RPS6KC1: variants seen among roughly 807,000 people sequenced by gnomAD.
RPS6KC1 encodes ribosomal protein S6 kinase C1.
Under a neutral mutation model 103.8 loss-of-function variants are expected in RPS6KC1, and 54 were observed. That is an observed-to-expected ratio of 0.52 (90% CI 0.42 to 0.65). The LOEUF is 0.65. Ranked by LOEUF, RPS6KC1 falls within the 30% of genes least tolerant of loss-of-function variation. The pLI is 0.00. For missense variants in RPS6KC1, 1,151 were observed against 1,253.8 expected, an observed-to-expected ratio of 0.92 and a Z score of 1.24; for synonymous variants, 439 against 438.7, an observed-to-expected ratio of 1.00 and a Z score of -0.01.
chr1:213,553,703 T>C, the RPS6KC1 span, among the ~76,000 whole-genome samples: 1 of 152,224 alleles, frequency 6.6e-6, no homozygotes, highest in Admixed American at 6.5e-5. Context: ...TATTTTTTGA[T>C]TTTTTTAATA....
intron 8 of RPS6KC1, among the ~76,000 whole-genome samples, chr1:213,183,100 A>G (rs951331613): frequency 1.3e-5 from 2 of 152,028 alleles, no homozygotes; most frequent in African/African-American, 4.8e-5. Flanking sequence ...GATAATGATA[A>G]AAGGACAATC....
chr1:213,089,768 T>C (rs993959447), intron 3 of RPS6KC1, among the ~76,000 whole-genome samples: 12 of 152,184 alleles, frequency 7.9e-5, no homozygotes, highest in African/African-American at 2.9e-4. Context: ...GGCCCCATTT[T>C]GCTGTTAAAG....
chr1:213,677,135 A>G, the RPS6KC1 span, among the ~76,000 whole-genome samples: 1 of 152,178 alleles, frequency 6.6e-6, no homozygotes, highest in Non-Finnish European at 1.5e-5. Context: ...TATCCTTTCC[A>G]ATTAGCATCT....
At chr1:213,071,859 A>C (rs910149726) in intron 2 of RPS6KC1, among the ~76,000 whole-genome samples, 6 of 148,106 alleles carry the variant, frequency 4.1e-5, no homozygotes, top group Admixed American at 3.3e-4. Context: ...TCTTCTGTGC[A>C]TTTTTTCATT....
the RPS6KC1 span, among the ~76,000 whole-genome samples, chr1:213,332,128 A>T: frequency 7.9e-5 from 12 of 152,110 alleles, no homozygotes; most frequent in Non-Finnish European, 1.3e-4. Flanking sequence ...AATGTTTCAG[A>T]TGCATAACTT....
At chr1:213,696,502 CAAAAAAAAAA>C in the RPS6KC1 span, among the ~76,000 whole-genome samples, 17,629 of 120,134 alleles carry the variant, frequency 0.15, 1,093 homozygotes, top group Middle Eastern at 0.25. Context: ...AACTCCGTCT[CAAAAAAAAAA>C]AAAAAAAAAA....
intron 8 of RPS6KC1, among the ~76,000 whole-genome samples, chr1:213,184,024 A>G (rs1558494578): frequency 6.6e-6 from 1 of 152,196 alleles, no homozygotes; most frequent in African/African-American, 2.4e-5. Context: ...GAATGGACCA[A>G]TTCATAGAAA....
intron 1 of RPS6KC1, among the ~76,000 whole-genome samples, chr1:213,067,080 C>T (rs770746380): frequency 3.3e-5 from 5 of 152,182 alleles, no homozygotes; most frequent in Non-Finnish European, 5.9e-5. Flanking sequence ...CCCCTCCCCA[C>T]GTCGAGTTGT....
chr1:213,129,954 A>G lies in RPS6KC1; in HGVS notation c.835+65A>G, dbSNP rs61733272. The G allele has an allele frequency of 1.0e-4, 144 of 1,425,228 alleles. 1 individual carries two copies. Among genetic ancestry groups the G allele is most frequent in the Non-Finnish European group, 1.3e-4 (138 of 1,063,052 alleles). 88.3% of individuals were successfully genotyped at this position (1,425,228 alleles called of 1,614,324 possible). A position where few individuals can be genotyped will look rare whatever the true frequency, so the allele number is the denominator to read the frequency against. On this transcript the variant is annotated intron_variant, in intron 6 of 14. Coordinates refer to ENST00000366960, the MANE Select transcript of RPS6KC1 (RefSeq NM_012424.6). ...GTTGGTATGTGGGAAAAAAAAGTAC[A>G]TACATATATCTTCTGTATAGTCTTA...
chr1:213,563,846 C>T, the RPS6KC1 span, among the ~76,000 whole-genome samples: 1 of 151,702 alleles, frequency 6.6e-6, no homozygotes, highest in East Asian at 1.9e-4. Flanking sequence ...CTTTTATACG[C>T]TAAATTAATT....
At chr1:213,066,637 G>A (rs765811820) in intron 1 of RPS6KC1, among the ~76,000 whole-genome samples, 6 of 152,160 alleles carry the variant, frequency 3.9e-5, no homozygotes, top group South Asian at 2.1e-4. Context: ...TAAGGAAGCC[G>A]GCTTTAATCA....
At chr1:213,082,717 G>A (rs372757754) in intron 3 of RPS6KC1, among the ~76,000 whole-genome samples, 3 of 152,156 alleles carry the variant, frequency 2.0e-5, no homozygotes, top group African/African-American at 7.2e-5. Flanking sequence ...TGAAAGGAGA[G>A]AGAGAAACTA....
At chr1:213,566,150 G>C in the RPS6KC1 span, among the ~76,000 whole-genome samples, 1 of 151,976 alleles carries the variant, frequency 6.6e-6, no homozygotes, top group Non-Finnish European at 1.5e-5. Flanking sequence ...AAATATTATT[G>C]GTAGTACCTA....
the RPS6KC1 span, among the ~76,000 whole-genome samples, chr1:213,590,886 G>A: frequency 6.6e-6 from 1 of 152,174 alleles, no homozygotes; most frequent in African/African-American, 2.4e-5. Flanking sequence ...TCTCCTGGCA[G>A]TATCCTTCAG....
the RPS6KC1 span, among the ~76,000 whole-genome samples, chr1:213,409,217 T>C: frequency 1.3e-5 from 2 of 151,484 alleles, no homozygotes; most frequent in Non-Finnish European, 2.9e-5. Context: ...AAGTATTAGG[T>C]TGGTGCTAAA....
At chr1:213,789,241 T>C in the RPS6KC1 span, among the ~76,000 whole-genome samples, 2 of 152,210 alleles carry the variant, frequency 1.3e-5, no homozygotes, top group African/African-American at 4.8e-5. Context: ...TTCTAGACAG[T>C]AAGAGCCTAA....
At chr1:213,479,866 G>T in the RPS6KC1 span, among the ~76,000 whole-genome samples, 3 of 151,722 alleles carry the variant, frequency 2.0e-5, no homozygotes, top group Non-Finnish European at 2.9e-5. Flanking sequence ...TCACCTAATG[G>T]TTTGTTATTT....
chr1:213,570,638 G>A, the RPS6KC1 span, among the ~76,000 whole-genome samples: 1 of 152,190 alleles, frequency 6.6e-6, no homozygotes, highest in African/African-American at 2.4e-5. Flanking sequence ...GGGTCATTGG[G>A]TGAGTCTCAT....
the RPS6KC1 span, among the ~76,000 whole-genome samples, chr1:213,702,272 G>A: frequency 2.6e-5 from 4 of 151,832 alleles, no homozygotes; most frequent in Non-Finnish European, 5.9e-5. Context: ...ATTTCAGTCA[G>A]GGAATATGCT....
Sources: allele counts gnomAD v4.1 joint callset (sites outside exome capture counted in the v4.1 genomes callset), GRCh38; gene constraint gnomAD v4.1.1; transcripts MANE v1.5; gene names NCBI Gene and HGNC (gene_info 2026-07-23, HGNC 2026-07-21).